The following PRKG1 variants were observed in gnomAD, a reference collection of about 807,000 sequenced individuals.
PRKG1 encodes protein kinase cGMP-dependent 1.
PRKG1 carries 35 observed loss-of-function variants against 88.1 expected under a neutral mutation model. The ratio of observed to expected loss-of-function variants is 0.40; its 90% CI spans 0.30 to 0.53. PRKG1 has a LOEUF of 0.53. PRKG1 is among the 20% of genes least tolerant of loss of function. PRKG1 has a pLI of 0.59. For missense variants in PRKG1, 540 were observed against 839.8 expected (o/e 0.64, Z 4.41); for synonymous variants, 303 against 292.5 (o/e 1.04, Z -0.37).
chr10:50,996,969 C>T (rs1223396496), intron 1 of PRKG1, among the ~76,000 whole-genome samples: 1 of 152,170 alleles, frequency 6.6e-6, no homozygotes, highest in African/African-American at 2.4e-5. Context: ...TTAGGCAGCA[C>T]GGCTTGTAAA....
chr10:51,635,255 A>C (rs1185756321), intron 3 of PRKG1, among the ~76,000 whole-genome samples: 2 of 150,918 alleles, frequency 1.3e-5, no homozygotes, highest in African/African-American at 4.9e-5. Context: ...ATAGACTGGA[A>C]AGGAAATGTG....
intron 3 of PRKG1, among the ~76,000 whole-genome samples, chr10:51,479,920 T>C (rs112850999): frequency 3.3e-5 from 5 of 152,110 alleles, no homozygotes; most frequent in Non-Finnish European, 5.9e-5. Flanking sequence ...AGGACTTAGA[T>C]GTTTCATTCA....
At chr10:52,284,668 A>G (rs1226192625) in intron 14 of PRKG1, among the ~76,000 whole-genome samples, 2 of 152,096 alleles carry the variant, frequency 1.3e-5, no homozygotes, top group African/African-American at 4.8e-5. Flanking sequence ...ATATCTAATG[A>G]TCTTCGATAG....
chr10:52,203,517 G>A (rs965578015), intron 9 of PRKG1, among the ~76,000 whole-genome samples: 1 of 152,142 alleles, frequency 6.6e-6, no homozygotes, highest in Non-Finnish European at 1.5e-5. Flanking sequence ...TGTTCTATAG[G>A]TAGATGTCTG....
chr10:51,906,738 A>G (rs950726446), intron 4 of PRKG1, among the ~76,000 whole-genome samples: 1 of 152,200 alleles, frequency 6.6e-6, no homozygotes, highest in Non-Finnish European at 1.5e-5. Flanking sequence ...CTGCTAGATT[A>G]GGGAAAAGAC....
chr10:52,055,048 A>G (rs1846078485), intron 6 of PRKG1, among the ~76,000 whole-genome samples: 1 of 152,208 alleles, frequency 6.6e-6, no homozygotes, highest in African/African-American at 2.4e-5. Flanking sequence ...AGACAGGAGG[A>G]TTGCTTGAGC....
chr10:51,316,497 C>A (rs1841323977), intron 2 of PRKG1, among the ~76,000 whole-genome samples: 1 of 152,004 alleles, frequency 6.6e-6, no homozygotes, highest in Admixed American at 6.6e-5. Flanking sequence ...GCCTGGCCAA[C>A]ATGGTAAAAC....
intron 5 of PRKG1, among the ~76,000 whole-genome samples, chr10:52,013,988 T>C (rs868731176): frequency 2.8e-4 from 43 of 152,270 alleles, no homozygotes; most frequent in African/African-American, 1.0e-3. Flanking sequence ...TCCTGCTTTT[T>C]CCTTAGTTAC....
chr10:51,786,146 G>A (rs1416399160), intron 3 of PRKG1, among the ~76,000 whole-genome samples: 2 of 152,130 alleles, frequency 1.3e-5, no homozygotes, highest in African/African-American at 4.8e-5. Flanking sequence ...TATCAATGAA[G>A]TCAGAGAAGG....
chr10:51,045,816 C>G (rs1048125014), intron 1 of PRKG1, among the ~76,000 whole-genome samples: 1 of 152,152 alleles, frequency 6.6e-6, no homozygotes, highest in Admixed American at 6.5e-5. Context: ...AATCACTTAA[C>G]CATACATAAC....
chr10:51,304,559 T>C (rs1462131892), intron 2 of PRKG1, among the ~76,000 whole-genome samples: 1 of 151,462 alleles, frequency 6.6e-6, no homozygotes, highest in Non-Finnish European at 1.5e-5. Flanking sequence ...TGTATACATG[T>C]GCCATGCTGC....
intron 2 of PRKG1, among the ~76,000 whole-genome samples, chr10:51,448,438 A>C (rs768376605): frequency 3.3e-5 from 5 of 152,040 alleles, no homozygotes; most frequent in Non-Finnish European, 7.4e-5. Context: ...ATTCTGACAC[A>C]GTCATGATAA....
At chr10:51,489,781 G>A (rs1840657822) in intron 3 of PRKG1, among the ~76,000 whole-genome samples, 2 of 152,036 alleles carry the variant, frequency 1.3e-5, no homozygotes. Context: ...ATGCTTAATA[G>A]GCTGTTGCAG....
At chr10:51,515,762 C>A (rs1388885659) in intron 3 of PRKG1, among the ~76,000 whole-genome samples, 1 of 152,060 alleles carries the variant, frequency 6.6e-6, no homozygotes, top group Admixed American at 6.6e-5. Flanking sequence ...AACAGGGGTC[C>A]CCTGTTTATT....
At chr10:51,412,908 A>G (rs1377543814) in intron 2 of PRKG1, among the ~76,000 whole-genome samples, 2 of 152,106 alleles carry the variant, frequency 1.3e-5, no homozygotes, top group African/African-American at 4.8e-5. Context: ...AGAAAGGTTG[A>G]GACAGTGAGG....
At chr10:51,291,657 G>GC (rs1321326588) in intron 2 of PRKG1, among the ~76,000 whole-genome samples, 4 of 152,244 alleles carry the variant, frequency 2.6e-5, no homozygotes, top group East Asian at 1.9e-4. Context: ...AGGAATGGGT[G>GC]CCCCCCTTAA....
At chr10:51,126,263 T>TTATATATAAATATTTATA (rs1297736702) in intron 1 of PRKG1, among the ~76,000 whole-genome samples, 3 of 10,022 alleles carry the variant, frequency 3.0e-4, no homozygotes, top group African/African-American at 4.2e-4. Context: ...ATTTATATAT[T>TTATATATAAATATTTATA]TATTTATAAT....
rs1837210335 is a variant in PRKG1 at position 51,553,838 on chromosome 10, GTA to G, written c.592+86004_592+86005del. 3.0e-5 allele frequency among the ~76,000 whole-genome samples: 3 copies of G among 99,884 alleles called. No individual in the cohort carries two copies. In the South Asian group the frequency reaches 1.3e-3, roughly 42 times the overall value. 65.5% of individuals were successfully genotyped at this position (99,884 alleles called of 152,430 possible). On this transcript the variant is annotated intron_variant, in intron 3 of 17. Coordinates refer to ENST00000373980, the MANE Select transcript of PRKG1 (RefSeq NM_006258.4). ...TATTAGATACGTGTATATAATATAT[GTA>G]TGTATTAGATACGTGTATATAATAT...
chr10:51,040,837 T>A (rs1265053603), intron 1 of PRKG1, among the ~76,000 whole-genome samples: 2 of 152,186 alleles, frequency 1.3e-5, no homozygotes, highest in Non-Finnish European at 1.5e-5. Flanking sequence ...TTATCAGTCC[T>A]AATAGTTTTT....
Sources: allele counts gnomAD v4.1 joint callset (sites outside exome capture counted in the v4.1 genomes callset), GRCh38; gene constraint gnomAD v4.1.1; transcripts MANE v1.5; gene names NCBI Gene and HGNC (gene_info 2026-07-23, HGNC 2026-07-21).